Variants in DAPK2 observed in about 807,000 individuals in gnomAD.
The protein encoded by DAPK2 is death-associated protein kinase 2.
A neutral mutation model predicts 44.1 loss-of-function variants in DAPK2; 35 were observed. The observed-to-expected ratio is 0.79, with a 90% CI of 0.61 to 1.05. DAPK2 has a LOEUF of 1.05. Ranked by LOEUF, DAPK2 falls within the 50% of genes least tolerant of loss-of-function variation. The pLI, the probability that DAPK2 is intolerant of heterozygous loss-of-function variation, is 0.00. For missense variants in DAPK2, 453 were observed against 483.2 expected (o/e 0.94, Z 0.59); for synonymous variants, 174 against 182.6 (o/e 0.95, Z 0.38).
At chr15:63,959,716 T>C (rs980193426) in intron 3 of DAPK2, among the ~76,000 whole-genome samples, 1 of 152,220 alleles carries the variant, frequency 6.6e-6, no homozygotes, top group African/African-American at 2.4e-5. Context: ...AACTTGATTG[T>C]GGTGGATAAG....
rs1397214712 is a variant in DAPK2 at position 63,923,305 on chromosome 15, T to C, written c.858+1511A>G. The C allele has an allele frequency of 6.5e-6, 10 of 1,535,746 alleles. No individual in the cohort carries two copies. The highest frequency in any genetic ancestry group is 7.8e-6 in the Non-Finnish European group (9 of 1,146,716). On this transcript the variant is annotated intron_variant, in intron 8 of 10. Coordinates refer to ENST00000261891, the Ensembl canonical transcript of DAPK2. This position sits in a 1 kb window ranked among gnomAD's most constrained non-coding sequence, Gnocchi z 4.2. The stretch of plus-strand genomic sequence containing the variant: ...GCTTGGTCTTCAGCTGGGTGGGCTC[T>C]GTCTTCCGCTGTTCAGGGGCTCTGC...
intron 1 of DAPK2, among the ~76,000 whole-genome samples, chr15:63,995,583 C>G (rs913780137): frequency 2.0e-5 from 3 of 152,358 alleles, no homozygotes; most frequent in Non-Finnish European, 4.4e-5. Context: ...CTCAGTGACT[C>G]TTGCCATTGC....
At chr15:63,983,042 T>C (rs1454983285) in intron 2 of DAPK2, among the ~76,000 whole-genome samples, 7 of 152,120 alleles carry the variant, frequency 4.6e-5, no homozygotes, top group Non-Finnish European at 7.4e-5. Flanking sequence ...ACAATAAAGG[T>C]GTCATTCACA....
chr15:63,979,728 CA>C (rs1481416965), intron 2 of DAPK2, among the ~76,000 whole-genome samples: 2 of 152,074 alleles, frequency 1.3e-5, no homozygotes, highest in Non-Finnish European at 2.9e-5. Context: ...GTCTGGCCAA[CA>C]GAGTGAAACC....
At chr15:63,945,032 TAGAG>T (rs1036800809) in intron 3 of DAPK2, among the ~76,000 whole-genome samples, 40 of 152,156 alleles carry the variant, frequency 2.6e-4, no homozygotes, top group Admixed American at 5.2e-4. Flanking sequence ...CTCCCTTACT[TAGAG>T]AGAATCTTTT....
chr15:63,935,043 G>GT lies in DAPK2; in HGVS notation c.583+4188dup, dbSNP rs1302758680. On this transcript the variant is annotated intron_variant, in intron 4 of 10. Coordinates refer to ENST00000261891, the Ensembl canonical transcript of DAPK2. Reference sequence around the variant, plus strand: ...GCAAACTCTATATCAATGTTTTGGGGTTTTTTTTTAATTGTTCTTATTTGT... The same window carrying GT: ...GCAAACTCTATATCAATGTTTTGGGGTTTTTTTTTTAATTGTTCTTATTTGT... 3.2e-4 allele frequency among the ~76,000 whole-genome samples: 45 copies of GT among 142,426 alleles called. 1 individual carries two copies. Among genetic ancestry groups the GT allele is most frequent in the Middle Eastern group, 3.7e-3 (1 of 270 alleles). 93.4% of individuals were successfully genotyped at this position (142,426 alleles called of 152,430 possible).
Position 63,955,296 on chromosome 15 carries a change from C to T in DAPK2, c.454-15935G>A, listed in dbSNP as rs368530484. On this transcript the variant is annotated intron_variant, in intron 3 of 10. Coordinates refer to ENST00000261891, the Ensembl canonical transcript of DAPK2. ...ATACTAGCAGTGGGTCTGTTATATA[C>T]GGCTTTTATTGTGTTGAGATATTTA... Among the ~76,000 whole-genome samples, 38 of 152,214 alleles carry T rather than the reference C, an allele frequency of 2.5e-4. 1 individual carries two copies. In the South Asian group the frequency reaches 7.2e-3, roughly 29 times the overall value.
chr15:64,013,199 G>C lies in DAPK2; in HGVS notation c.92+26971C>G, dbSNP rs137874948. Reference sequence around the variant, plus strand: ...CACAAAGCAGTCACAATAACATTTTGGTTGTTCTGTAAAATGAGACCAGTC... The same window carrying C: ...CACAAAGCAGTCACAATAACATTTTCGTTGTTCTGTAAAATGAGACCAGTC... On this transcript the variant is annotated intron_variant, in intron 1 of 10. Coordinates refer to ENST00000261891, the Ensembl canonical transcript of DAPK2. The surrounding 1 kb of genome is among the most constrained non-coding windows in gnomAD (Gnocchi z 4.7). Among the ~76,000 whole-genome samples the C allele has an allele frequency of 4.8e-3, 728 of 152,264 alleles. 4 individuals are homozygous for C. Among genetic ancestry groups the C allele is most frequent in the African/African-American group, 0.016 (669 of 41,552 alleles).
upstream of DAPK2, among the ~76,000 whole-genome samples, chr15:64,042,715 C>T (rs2080378254): frequency 6.6e-6 from 1 of 152,202 alleles, no homozygotes; most frequent in Non-Finnish European, 1.5e-5. This position sits in a 1 kb window ranked among gnomAD's most constrained non-coding sequence, Gnocchi z 4.7. Context: ...TCCTATATTC[C>T]AGCCAAAGTT....
chr15:63,969,335 AC>A (rs1217534679), intron 3 of DAPK2, among the ~76,000 whole-genome samples: 1 of 152,048 alleles, frequency 6.6e-6, no homozygotes, highest in African/African-American at 2.4e-5. Flanking sequence ...TGGGAGGATT[AC>A]CTGAGCCTGA....
chr15:63,911,771 G>A (rs2078798469), intron 10 of DAPK2, 137 bp downstream of exon 11: 1 of 845,368 alleles, frequency 1.2e-6, no homozygotes, highest in African/African-American at 1.7e-5. Flanking sequence ...CTTCAGGGAA[G>A]AGGAGGACTG....
chr15:63,909,845 C>T (rs1199118840), intron 10 of DAPK2: 1 of 152,060 alleles, frequency 6.6e-6, no homozygotes, highest in Non-Finnish European at 1.5e-5. Flanking sequence ...CTCTGGTCTT[C>T]TCTCCCCACA....
chr15:63,984,515 G>C lies in DAPK2; in HGVS notation c.93-761C>G, dbSNP rs551141637. Among the ~76,000 whole-genome samples the C allele has an allele frequency of 1.2e-3, 178 of 152,260 alleles. 1 individual carries two copies. The highest frequency in any genetic ancestry group is 1.9e-3 in the Non-Finnish European group (131 of 68,010). Reference sequence around the variant, plus strand: ...TGAGCCAGCTTCCCTGAGTGCTCCAGGGGCCCTCCCCACAGGGAAGGGCAC... The same window carrying C: ...TGAGCCAGCTTCCCTGAGTGCTCCACGGGCCCTCCCCACAGGGAAGGGCAC... On this transcript the variant is annotated intron_variant, in intron 1 of 10. Coordinates refer to ENST00000261891, the Ensembl canonical transcript of DAPK2.
chr15:63,973,970 G>T (rs553444826), intron 2 of DAPK2, among the ~76,000 whole-genome samples: 267 of 152,208 alleles, frequency 1.8e-3, no homozygotes, highest in African/African-American at 5.9e-3. Context: ...ATAAAAGATG[G>T]CCCCTTTATG....
intron 2 of DAPK2, among the ~76,000 whole-genome samples, chr15:63,975,572 A>G (rs1435835089): frequency 2.0e-5 from 3 of 151,452 alleles, no homozygotes; most frequent in Admixed American, 6.6e-5. Flanking sequence ...CCACTACAGC[A>G]TACTGAGTAT....
chr15:63,922,578 T>C, intron 8 of DAPK2: 1 of 1,414,138 alleles, frequency 7.1e-7, no homozygotes, highest in South Asian at 1.6e-5. Flanking sequence ...AAGAATTAAC[T>C]GGCACCTCAG....
Position 63,990,537 on chromosome 15 carries a change from A to T in DAPK2, c.93-6783T>A, listed in dbSNP as rs1020992284. ...TGATGTACCCCTAAGTCACCAGTCT[A>T]TCAAGGTGGAAATGAGGTAGAGCTG... On this transcript the variant is annotated intron_variant, in intron 1 of 10. Coordinates refer to ENST00000261891, the Ensembl canonical transcript of DAPK2. This position sits in a 1 kb window ranked among gnomAD's most constrained non-coding sequence, Gnocchi z 4.3. Among the ~76,000 whole-genome samples, 13 of 152,222 alleles carry T rather than the reference A, an allele frequency of 8.5e-5. No homozygotes were observed. The highest frequency in any genetic ancestry group is 2.9e-4 in the African/African-American group (12 of 41,446).
rs775234046 is a variant in DAPK2 at position 63,939,220 on chromosome 15, C to T, written c.583+12G>A. On this transcript the variant is annotated intron_variant, in intron 4 of 10. Coordinates refer to ENST00000261891, the Ensembl canonical transcript of DAPK2. This position sits in a 1 kb window ranked among gnomAD's most constrained non-coding sequence, Gnocchi z 4.3. ...GATTCTTAGCTGAAAGACAAACAGG[C>T]CTACAACTCACCAACAAATTCCGGC... The T allele has an allele frequency of 2.0e-5, 33 of 1,613,398 alleles. No individual in the cohort carries two copies. The highest frequency in any genetic ancestry group is 2.8e-5 in the Non-Finnish European group (33 of 1,179,826).
rs755354002 is a variant in DAPK2, at chr15:63,925,509, C to T, written c.812+432G>A. 5.9e-5 allele frequency among the ~76,000 whole-genome samples: 9 copies of T among 152,250 alleles called. No homozygotes were observed. The East Asian group carries it at 1.5e-3, about 26-fold the overall frequency. ...TGGAGAAGGGATAGGGTTAGCATGT[C>T]TTCCACCATCCCACTGTACTGACCT... On this transcript the variant is annotated intron_variant, in intron 7 of 10. Transcript: ENST00000261891.
Sources: allele counts gnomAD v4.1 joint callset (sites outside exome capture counted in the v4.1 genomes callset), GRCh38; gene constraint gnomAD v4.1.1; non-coding constraint Gnocchi (gnomAD v3.1); transcripts MANE v1.5; gene names NCBI Gene and HGNC (gene_info 2026-07-23, HGNC 2026-07-21).